Variants in VLDLR observed in about 807,000 individuals in gnomAD.
The protein encoded by VLDLR is very low density lipoprotein receptor.
A neutral mutation model predicts 112.7 loss-of-function variants in VLDLR; 81 were observed. The ratio of observed to expected loss-of-function variants is 0.72; its 90% CI spans 0.60 to 0.86. The LOEUF (loss-of-function observed/expected upper bound fraction) is 0.86. Among genes scored for constraint, VLDLR ranks in the 40% least tolerant of loss-of-function variants. VLDLR has a pLI of 0.00. For synonymous variants in VLDLR, 436 were observed against 384.8 expected, an observed-to-expected ratio of 1.13 and a Z score of -1.56; for missense variants, 1,237 against 1,099.4, an observed-to-expected ratio of 1.13 and a Z score of -1.77.
chr9:2,639,679 C>G (rs1271001366), intron 2 of VLDLR, among the ~76,000 whole-genome samples, 180 bp from the exon 3 acceptor site: 1 of 152,132 alleles, frequency 6.6e-6, no homozygotes, highest in Non-Finnish European at 1.5e-5. Context: ...TGAGCATCTT[C>G]CTCCTCTGAA....
chr9:2,637,898 A>C (rs12342643), intron 2 of VLDLR, among the ~76,000 whole-genome samples: 2 of 152,128 alleles, frequency 1.3e-5, no homozygotes, highest in African/African-American at 4.8e-5. Flanking sequence ...AGCCAAGACC[A>C]CGCCACTGCA....
At chr9:2,648,396 C>T in intron 13 of VLDLR, 49 bp downstream of exon 13, 2 of 1,612,484 alleles carry the variant, frequency 1.2e-6, no homozygotes, top group East Asian at 4.5e-5. Flanking sequence ...TACTATATCA[C>T]TTTGAGAAGA....
chr9:2,643,778 AATGGATTG>A, intron 6 of VLDLR, 28 bp downstream of exon 6: 2 of 1,614,222 alleles, frequency 1.2e-6, no homozygotes, highest in Non-Finnish European at 1.7e-6. Context: ...TTGGTTAAGC[AATGGATTG>A]CTCTGACCAG....
Position 2,650,323 on chromosome 9 carries a change from C to T in VLDLR, c.2105-47C>T, listed in dbSNP as rs199864281. 12 of 1,611,736 alleles carry T rather than the reference C, an allele frequency of 7.4e-6. No individual in the cohort carries two copies. The African/African-American group carries it at 1.6e-4, about 22-fold the overall frequency. Reference sequence around the variant, plus strand: ...CATGTAGAACAAGGCTTTATATATACTAGGCACCGGAATACCCATTTTAAT... The same window carrying T: ...CATGTAGAACAAGGCTTTATATATATTAGGCACCGGAATACCCATTTTAAT... On this transcript the variant is annotated intron_variant, in intron 14 of 18. Coordinates refer to ENST00000382100, the MANE Select transcript of VLDLR (RefSeq NM_003383.5).
In VLDLR at chr9:2,635,522, A is replaced by G; in HGVS notation, c.152A>G (p.Lys51Arg). The G allele has an allele frequency of 6.2e-7, 1 of 1,614,144 alleles. No individual in the cohort carries two copies. The change falls in exon 2 of 19, where the codon AAA (lysine) becomes AGA (arginine). Residue 51 changes from lysine to arginine, a missense_variant. Physicochemically the swap from Lys to Arg is conservative, Grantham distance 26. Coordinates refer to ENST00000382100, the MANE Select transcript of VLDLR (RefSeq NM_003383.5). Reference protein sequence around the residue: ...TNGRCITLLWKCDGDEDCVDG... With the variant: ...TNGRCITLLWRCDGDEDCVDG... ...GGTCGCTGTATTACGCTGTTGTGGAAATGTGATGGGGATGAAGACTGTGTT... is the reference window on the plus strand; with the variant it reads ...GGTCGCTGTATTACGCTGTTGTGGAGATGTGATGGGGATGAAGACTGTGTT...
rs775529296 is a variant in VLDLR, at chr9:2,651,506, G to A, written c.2335+8G>A. ...GTGGACTAGTTCCTGGAGGTATTGA[G>A]TTCAGTACTGCAAACTGTTAATCTC... On this transcript the variant is annotated splice_region_variant and intron_variant, in intron 16 of 18. Transcript: ENST00000382100. The A allele has an allele frequency of 1.2e-6, 2 of 1,609,358 alleles. No individual in the cohort carries two copies. Among genetic ancestry groups the A allele is most frequent in the South Asian group, 1.1e-5 (1 of 90,944 alleles).
chr9:2,624,579 C>T (rs971372816), intron 1 of VLDLR, among the ~76,000 whole-genome samples: 5 of 152,220 alleles, frequency 3.3e-5, no homozygotes, highest in African/African-American at 9.7e-5. Context: ...AGGCCAGAGT[C>T]TAAAAGAACC....
At chr9:2,641,260 T>C in intron 3 of VLDLR, 117 bp from the exon 4 acceptor site, 3 of 1,538,534 alleles carry the variant, frequency 1.9e-6, no homozygotes, top group African/African-American at 1.4e-5. Context: ...GTTAGTAGAA[T>C]TTCACCAGTG....
rs577069018 is a variant in VLDLR at position 2,622,000 on chromosome 9, C to T, written c.-190C>T. 2.1e-4 allele frequency: 139 copies of T among 649,706 alleles called. 3 individuals are homozygous for T. In the South Asian group the frequency reaches 2.3e-3, roughly 11 times the overall value. 40.2% of individuals were successfully genotyped at this position (649,706 alleles called of 1,614,324 possible). A position where few individuals can be genotyped will look rare whatever the true frequency, so the allele number is the denominator to read the frequency against. On this transcript the variant is annotated 5_prime_UTR_variant, in exon 1 of 19. Transcript: ENST00000382100. ...GGTGGCTGGGTGGGTGGGGAGGAGA[C>T]TGTGCAAGTTGTAGGGGAGGGGGTG...
rs947403400 is a variant in VLDLR at position 2,658,647 on chromosome 9, T to C, written c.*4779T>C. ...TAAAGTAGAGACGATGGGGACTGTC[T>C]CACTGTGACAAGGTAAGATTTAAGT... On this transcript the variant is annotated 3_prime_UTR_variant, in exon 19 of 19. Transcript: ENST00000382100. 1 of 152,152 alleles carries C rather than the reference T, an allele frequency of 6.6e-6. No homozygotes were observed. Among genetic ancestry groups the C allele is most frequent in the African/African-American group, 2.4e-5 (1 of 41,420 alleles). 9.4% of individuals were successfully genotyped at this position (152,152 alleles called of 1,614,324 possible).
chr9:2,632,669 G>C (rs193049971), intron 1 of VLDLR, among the ~76,000 whole-genome samples: 2 of 152,296 alleles, frequency 1.3e-5, no homozygotes, highest in East Asian at 1.9e-4. Context: ...CTGAGCACCA[G>C]AGGTGGATAG....
intron 11 of VLDLR, 51 bp from the exon 12 acceptor site, chr9:2,647,423 C>A: frequency 1.3e-6 from 2 of 1,540,232 alleles, no homozygotes; most frequent in Non-Finnish European, 9.0e-7. Flanking sequence ...GCTACTACAA[C>A]TTTATTCCTT....
In VLDLR at chr9:2,630,278, T is replaced by G. The variant is rs534528794; in HGVS notation, c.83-5175T>G. Among the ~76,000 whole-genome samples the G allele has an allele frequency of 3.3e-5, 5 of 152,264 alleles. No individual in the cohort carries two copies. In the East Asian group the frequency reaches 7.7e-4, roughly 24 times the overall value. ...GCTTGTCCTGAAAGGAGTTTTAGCT[T>G]ACAAATAGAAACACTGTCATTAAAG... On this transcript the variant is annotated intron_variant, in intron 1 of 18. Coordinates refer to ENST00000382100, the MANE Select transcript of VLDLR (RefSeq NM_003383.5).
At chr9:2,653,805 CTCAT>C in intron 18 of VLDLR, 24 bp from the exon 19 acceptor site, 1 of 1,613,740 alleles carries the variant, frequency 6.2e-7, no homozygotes, top group Non-Finnish European at 8.5e-7. Flanking sequence ...GATCACCAAG[CTCAT>C]TCTATACTTC....
At chr9:2,649,385 GCTTT>G (rs567373355) in intron 14 of VLDLR, among the ~76,000 whole-genome samples, 363 of 150,342 alleles carry the variant, frequency 2.4e-3, no homozygotes, top group Admixed American at 8.4e-3. Flanking sequence ...CAGCTTTCTT[GCTTT>G]CTTTCTTTTT....
rs1372535313 is a variant in VLDLR at position 2,656,012 on chromosome 9, A to G, written c.*2144A>G. 1 of 151,836 alleles carries G rather than the reference A, an allele frequency of 6.6e-6. No homozygotes were observed. The highest frequency in any genetic ancestry group is 1.5e-5 in the Non-Finnish European group (1 of 67,976). The allele number at this position is 151,836 out of a possible 1,614,324, so 9.4% of individuals were successfully genotyped here. ...CTTTAGAAGCTTGAAGTTTGATACTATTGCTTTCCCCATTATAAGGATTAT... is the reference window on the plus strand; with the variant it reads ...CTTTAGAAGCTTGAAGTTTGATACTGTTGCTTTCCCCATTATAAGGATTAT... On this transcript the variant is annotated 3_prime_UTR_variant, in exon 19 of 19. Coordinates refer to ENST00000382100, the MANE Select transcript of VLDLR (RefSeq NM_003383.5).
chr9:2,659,939 C>T lies in VLDLR; in HGVS notation c.*6071C>T, dbSNP rs1243243868. On this transcript the variant is annotated 3_prime_UTR_variant, in exon 19 of 19. Coordinates refer to ENST00000382100, the MANE Select transcript of VLDLR (RefSeq NM_003383.5). ...CGGCATATACAACCAAATTATCATG[C>T]TCAGGATCTTCAGAATTCTAAAGGC... The T allele has an allele frequency of 6.6e-6, 1 of 152,190 alleles. No homozygotes were observed. Among genetic ancestry groups the T allele is most frequent in the Non-Finnish European group, 1.5e-5 (1 of 68,034 alleles). The allele number at this position is 152,190 out of a possible 1,614,324, so 9.4% of individuals were successfully genotyped here. A position where few individuals can be genotyped will look rare whatever the true frequency, so the allele number is the denominator to read the frequency against.
chr9:2,626,816 T>C (rs1401996557), intron 1 of VLDLR, among the ~76,000 whole-genome samples: 1 of 24,538 alleles, frequency 4.1e-5, no homozygotes, highest in African/African-American at 2.0e-4. Context: ...CATCACAAGT[T>C]TGTTAGAACT....
chr9:2,643,134 C>A, intron 4 of VLDLR, 26 bp from the exon 5 acceptor site: 4 of 1,604,774 alleles, frequency 2.5e-6, no homozygotes, highest in South Asian at 1.1e-5. Flanking sequence ...GATGCATTTT[C>A]AGTGGGGCAT....
Sources: gnomAD v4.1 joint callset for allele counts (sites outside exome capture counted in the v4.1 genomes callset) on GRCh38, gnomAD v4.1.1 for gene constraint, MANE v1.5 for transcripts, NCBI Gene and HGNC (gene_info 2026-07-23, HGNC 2026-07-21) for gene names.